SCOC: variants seen among roughly 807,000 people sequenced by gnomAD.
SCOC encodes the protein short coiled-coil protein, also known as short coiled coil protein.
SCOC carries 7 observed loss-of-function variants against 9.9 expected under a neutral mutation model. That is an observed-to-expected ratio of 0.71 (90% CI 0.40 to 1.33). The LOEUF is 1.33. Ranked by LOEUF, SCOC falls within the 40% of genes most tolerant of loss-of-function variation. The pLI, the probability that SCOC is intolerant of heterozygous loss-of-function variation, is 0.01. For synonymous variants in SCOC, 19 were observed against 28.2 expected (o/e 0.67, Z 1.03); for missense variants, 66 against 89.7 (o/e 0.74, Z 1.07).
chr4:140,358,013 TTCTC>T (rs1410298409), intron 2 of SCOC, among the ~76,000 whole-genome samples: 1 of 151,982 alleles, frequency 6.6e-6, no homozygotes, highest in African/African-American at 2.4e-5. Context: ...TTCCCTTCCT[TTCTC>T]TCTCTCTAAC....
At chr4:140,310,568 C>A (rs777626911) in intron 1 of SCOC, among the ~76,000 whole-genome samples, 1 of 152,182 alleles carries the variant, frequency 6.6e-6, no homozygotes, top group Non-Finnish European at 1.5e-5. Flanking sequence ...TGTTGGGAAC[C>A]TTCCTTCTCC....
At position 140,385,404 on chromosome 4, in the gene SCOC, C is replaced by A. The variant is rs1042314589; in HGVS notation, c.*4300C>A. ...GTACATAAAACCTTGCCGGGGAAGT[C>A]AGGCTCAGCTACCAGGTGAGTTTTG... On this transcript the variant is annotated 3_prime_UTR_variant, in exon 4 of 4. Coordinates refer to ENST00000608372, the MANE Select transcript of SCOC (RefSeq NM_001153484.2). 3 of 152,164 alleles carry A rather than the reference C, an allele frequency of 2.0e-5. No individual in the cohort carries two copies. The highest frequency in any genetic ancestry group is 7.2e-5 in the African/African-American group (3 of 41,444). 9.4% of individuals were successfully genotyped at this position (152,164 alleles called of 1,614,324 possible). A position where few individuals can be genotyped will look rare whatever the true frequency, so the allele number is the denominator to read the frequency against.
intron 1 of SCOC, among the ~76,000 whole-genome samples, chr4:140,280,332 T>G (rs754366421): frequency 9.2e-5 from 14 of 152,186 alleles, no homozygotes; most frequent in Non-Finnish European, 1.9e-4. Context: ...TTTTGCTATG[T>G]TGTCCCAGCT....
chr4:140,303,860 A>T (rs930857668), intron 1 of SCOC, among the ~76,000 whole-genome samples: 1 of 152,186 alleles, frequency 6.6e-6, no homozygotes, highest in Non-Finnish European at 1.5e-5. Context: ...AGGGATATAG[A>T]TGATAAAGAA....
At chr4:140,362,210 G>A (rs1459577903) in intron 2 of SCOC, among the ~76,000 whole-genome samples, 1 of 106,712 alleles carries the variant, frequency 9.4e-6, no homozygotes, top group Non-Finnish European at 2.1e-5. Flanking sequence ...AACTATCCTG[G>A]TAATTACTAA....
At chr4:140,366,179 CTTTCTTTT>C (rs36205484) in intron 2 of SCOC, 428,240 of 605,560 alleles carry the variant, frequency 0.71, 133,810 homozygotes, top group African/African-American at 0.77. Context: ...CCTTTTCTTT[CTTTCTTTT>C]TTTTTTTTTT....
Position 140,257,888 on chromosome 4 carries a change from A to G in SCOC, c.-19+478A>G, listed in dbSNP as rs73858116. On this transcript the variant is annotated intron_variant, in intron 1 of 4. Coordinates refer to the SCOC transcript ENST00000394205. ...CAGAGATGTCGCTGCACTTCTGGCT[A>G]CAGTGCCATGACTCTTCATATCAGT... Among the ~76,000 whole-genome samples the G allele has an allele frequency of 7.3e-3, 1,116 of 152,308 alleles. 13 individuals are homozygous for G. The highest frequency in any genetic ancestry group is 0.025 in the African/African-American group (1,042 of 41,554).
chr4:140,284,770 CAAAAAAAAAAAAA>C (rs34770368), intron 1 of SCOC: 2 of 78,836 alleles, frequency 2.5e-5, no homozygotes, highest in African/African-American at 7.5e-5. Context: ...CTATTTCTTT[CAAAAAAAAAAAAA>C]AAAAAAAAAG....
intron 1 of SCOC, among the ~76,000 whole-genome samples, chr4:140,260,685 T>C (rs1730611741): frequency 6.6e-6 from 1 of 152,182 alleles, no homozygotes; most frequent in South Asian, 2.1e-4. Flanking sequence ...AATGTAGGCT[T>C]CCAGGCCCAC....
chr4:140,299,865 A>C (rs1439710368), intron 1 of SCOC, among the ~76,000 whole-genome samples: 2 of 152,206 alleles, frequency 1.3e-5, no homozygotes, highest in Admixed American at 6.5e-5. Context: ...CCCACTTCAC[A>C]GTCCTTTGTT....
chr4:140,373,310 A>G (rs1363032214), upstream of SCOC: 1 of 1,387,862 alleles, frequency 7.2e-7, no homozygotes, highest in Non-Finnish European at 9.3e-7. Flanking sequence ...CTCTTTCCTG[A>G]TTTTCCACAC....
At chr4:140,365,349 A>G (rs1344523268) in intron 2 of SCOC, among the ~76,000 whole-genome samples, 2 of 152,204 alleles carry the variant, frequency 1.3e-5, no homozygotes, top group Admixed American at 1.3e-4. Flanking sequence ...TGCCAGAAAA[A>G]TTGACATTAG....
At chr4:140,369,434 G>A (rs1326610202), upstream of SCOC, 3 of 301,030 alleles carry the variant, frequency 1.0e-5, no homozygotes, top group Non-Finnish European at 2.0e-5. Flanking sequence ...AAATTAATGA[G>A]CTTAAAGCAT....
At chr4:140,317,785 C>T (rs1367795912) in intron 1 of SCOC, among the ~76,000 whole-genome samples, 13 of 151,072 alleles carry the variant, frequency 8.6e-5, no homozygotes, top group African/African-American at 7.3e-5. Context: ...GCCATGCTGG[C>T]GCGCTGCACC....
At chr4:140,270,876 A>G (rs896973178) in intron 1 of SCOC, among the ~76,000 whole-genome samples, 3 of 152,184 alleles carry the variant, frequency 2.0e-5, no homozygotes, top group Non-Finnish European at 4.4e-5. Context: ...CAATTACCCT[A>G]TATTTCAGAT....
intron 3 of SCOC, among the ~76,000 whole-genome samples, chr4:140,380,571 TA>T (rs1393108565): frequency 6.6e-6 from 1 of 152,180 alleles, no homozygotes; most frequent in African/African-American, 2.4e-5. Context: ...TACAAGATGA[TA>T]AGTTGCTTGG....
At chr4:140,303,103 T>C (rs1407039521) in intron 1 of SCOC, among the ~76,000 whole-genome samples, 1 of 152,114 alleles carries the variant, frequency 6.6e-6, no homozygotes, top group African/African-American at 2.4e-5. Context: ...ACCAGACAAT[T>C]GGCTGCAACT....
intron 2 of SCOC, among the ~76,000 whole-genome samples, chr4:140,343,887 TAA>T (rs1726602673): frequency 6.6e-6 from 1 of 152,180 alleles, no homozygotes; most frequent in African/African-American, 2.4e-5. Context: ...CCTTTTAAAT[TAA>T]GTGATAATTT....
chr4:140,356,615 G>A (rs1047111168), intron 2 of SCOC, among the ~76,000 whole-genome samples: 1 of 152,120 alleles, frequency 6.6e-6, no homozygotes, highest in Non-Finnish European at 1.5e-5. Flanking sequence ...GTTTTCTGAT[G>A]TTTCCTCATG....
Sources: allele counts gnomAD v4.1 joint callset (sites outside exome capture counted in the v4.1 genomes callset), GRCh38; gene constraint gnomAD v4.1.1; transcripts MANE v1.5; gene names NCBI Gene and HGNC (gene_info 2026-07-23, HGNC 2026-07-21).